Variants in NEDD4 observed in about 807,000 individuals in gnomAD.
NEDD4 encodes E3 ubiquitin-protein ligase NEDD4.
Under a neutral mutation model 144.9 loss-of-function variants are expected in NEDD4, and 99 were observed. That is an observed-to-expected ratio of 0.68 (90% CI 0.58 to 0.81). The LOEUF (loss-of-function observed/expected upper bound fraction) is 0.81. NEDD4 is among the 30% of genes least tolerant of loss of function. The pLI, the probability that NEDD4 is intolerant of heterozygous loss-of-function variation, is 0.00. For synonymous variants in NEDD4, 318 were observed against 350.6 expected, an observed-to-expected ratio of 0.91 and a Z score of 1.04; for missense variants, 985 against 1,065.9, an observed-to-expected ratio of 0.92 and a Z score of 1.06.
intron 5 of NEDD4, among the ~76,000 whole-genome samples, chr15:55,890,665 CAT>C (rs2035542432): frequency 6.6e-6 from 1 of 152,112 alleles, no homozygotes; most frequent in Non-Finnish European, 1.5e-5. Context: ...TTTGTACGAA[CAT>C]ATGTTTTCAT....
At chr15:55,958,740 C>G (rs2037379087) in intron 2 of NEDD4, among the ~76,000 whole-genome samples, 1 of 151,970 alleles carries the variant, frequency 6.6e-6, no homozygotes, top group Non-Finnish European at 1.5e-5. Context: ...GTGGCTAGTT[C>G]TGAAATCTGT....
At chr15:55,910,495 A>G (rs2036236445) in intron 5 of NEDD4, among the ~76,000 whole-genome samples, 1 of 151,170 alleles carries the variant, frequency 6.6e-6, no homozygotes, top group African/African-American at 2.4e-5. Context: ...TCTCTTCTTT[A>G]TCCCCTCTTC....
chr15:55,920,531 T>A (rs2036550431), intron 5 of NEDD4, among the ~76,000 whole-genome samples: 3 of 152,126 alleles, frequency 2.0e-5, no homozygotes, highest in Admixed American at 6.5e-5. Flanking sequence ...TTTATAACAC[T>A]CAAGTCTTAA....
At chr15:55,940,608 C>T (rs1167023270) in intron 4 of NEDD4, among the ~76,000 whole-genome samples, 1 of 150,472 alleles carries the variant, frequency 6.6e-6, no homozygotes, top group Non-Finnish European at 1.5e-5. Context: ...CCACGGTATC[C>T]TCGAATTCCT....
At chr15:55,968,353 A>G (rs1416677373) in intron 1 of NEDD4, among the ~76,000 whole-genome samples, 2 of 152,192 alleles carry the variant, frequency 1.3e-5, no homozygotes, top group Non-Finnish European at 2.9e-5. Context: ...AGATTTAAAA[A>G]ATACAATCTT....
intron 2 of NEDD4, among the ~76,000 whole-genome samples, chr15:55,957,906 G>A (rs2037364133): frequency 1.3e-5 from 2 of 152,106 alleles, no homozygotes; most frequent in South Asian, 4.2e-4. Context: ...CTCACTCATA[G>A]GTGGGAACTG....
Position 55,860,702 on chromosome 15 carries a change from A to G in NEDD4, c.751T>C (p.Ser251Pro), listed in dbSNP as rs766257808. The change falls in exon 10 of 29, where the codon TCC becomes CCC. Residue 251 changes from serine to proline, a missense_variant. Physicochemically the swap from Ser to Pro is moderately conservative, Grantham distance 74. Transcript: ENST00000435532. ...TTGTCAACACTTTCTGTTTCCTCGG[A>G]TATCTGCCGCCTGGTGGTAAATGCA... is the stretch of plus-strand genomic sequence containing the variant. ...QRAFTTRRQI[S>P]EETESVDNRE... 6.2e-7 allele frequency: 1 copy of G among 1,614,190 alleles called. No individual in the cohort carries two copies. The highest frequency in any genetic ancestry group is 8.5e-7 in the Non-Finnish European group (1 of 1,180,024).
intron 5 of NEDD4, among the ~76,000 whole-genome samples, chr15:55,879,722 G>T (rs2035116567): frequency 6.6e-6 from 1 of 152,058 alleles, no homozygotes; most frequent in Non-Finnish European, 1.5e-5. Flanking sequence ...CTGCAAAAAA[G>T]AAGCAATTAG....
Position 55,830,587 on chromosome 15 carries a change from C to G in NEDD4, c.2528-1G>C. 1 of 1,613,806 alleles carries G rather than the reference C, an allele frequency of 6.2e-7. No individual in the cohort carries two copies. Among genetic ancestry groups the G allele is most frequent in the Non-Finnish European group, 8.5e-7 (1 of 1,179,718 alleles). ...GTAAATGACTGTGGTCCATTTGAAC[C>G]TATAAGGAAGAATTTATTTGGTTTC... On this transcript the variant is annotated splice_acceptor_variant, in intron 27 of 28. Transcript: ENST00000435532. LOFTEE classifies it high-confidence loss of function.
At chr15:55,865,651 G>A (rs1447580224) in intron 8 of NEDD4, among the ~76,000 whole-genome samples, 1 of 152,090 alleles carries the variant, frequency 6.6e-6, no homozygotes, top group African/African-American at 2.4e-5. Context: ...TCTGTTCTAG[G>A]CCTGGAGATC....
At chr15:55,969,432 A>G (rs1313725406) in intron 1 of NEDD4, among the ~76,000 whole-genome samples, 7 of 152,186 alleles carry the variant, frequency 4.6e-5, no homozygotes, top group Admixed American at 2.0e-4. Flanking sequence ...TGGGATGCAC[A>G]TGAACCAGTG....
intron 1 of NEDD4, among the ~76,000 whole-genome samples, chr15:55,990,692 G>A (rs1468490279): frequency 6.6e-6 from 1 of 152,154 alleles, no homozygotes; most frequent in Non-Finnish European, 1.5e-5. Flanking sequence ...AATGGAGTGT[G>A]GGAAACAGTG....
intron 5 of NEDD4, among the ~76,000 whole-genome samples, chr15:55,897,272 C>A (rs1364887395): frequency 1.3e-5 from 2 of 152,112 alleles, no homozygotes; most frequent in South Asian, 2.1e-4. Context: ...TGCGCCCGGC[C>A]GATATGGCAT....
Position 55,979,604 on chromosome 15 carries a change from C to T in NEDD4, c.46-13058G>A, listed in dbSNP as rs554059631. Among the ~76,000 whole-genome samples the T allele has an allele frequency of 8.6e-5, 13 of 151,878 alleles. No homozygotes were observed. The East Asian group carries it at 2.1e-3, about 25-fold the overall frequency. On this transcript the variant is annotated intron_variant, in intron 1 of 28. Coordinates refer to ENST00000435532, the MANE Select transcript of NEDD4 (RefSeq NM_006154.4). ...TCCTGACCTCATGATCCACCCGCCTCGGCCTCCCAAAGTGCTGGGATTACA... is the reference window on the plus strand; with the variant it reads ...TCCTGACCTCATGATCCACCCGCCTTGGCCTCCCAAAGTGCTGGGATTACA...
At chr15:55,881,478 T>C (rs1292322107) in intron 5 of NEDD4, among the ~76,000 whole-genome samples, 1 of 152,130 alleles carries the variant, frequency 6.6e-6, no homozygotes, top group East Asian at 1.9e-4. Flanking sequence ...CACAAGTAGA[T>C]GTTATGCTTC....
In NEDD4 at chr15:55,964,919, G is replaced by A. The variant is rs1257139261; in HGVS notation, c.119+1554C>T. Among the ~76,000 whole-genome samples the A allele has an allele frequency of 3.3e-5, 5 of 151,690 alleles. No homozygotes were observed. In the East Asian group the frequency reaches 5.8e-4, roughly 18 times the overall value. On this transcript the variant is annotated intron_variant, in intron 2 of 28. Transcript: ENST00000435532. The stretch of plus-strand genomic sequence containing the variant: ...AGTTCTCATTCTATTTGTTCCTCTC[G>A]ATTTGTCAAAAAGAGGCTGGCACAC...
chr15:55,947,492 A>G (rs989219198), intron 4 of NEDD4, among the ~76,000 whole-genome samples: 1 of 152,210 alleles, frequency 6.6e-6, no homozygotes, highest in Admixed American at 6.5e-5. Flanking sequence ...GAATAGACCA[A>G]TAACAGGCTC....
chr15:55,948,233 C>T (rs1302991792), intron 4 of NEDD4, among the ~76,000 whole-genome samples: 1 of 152,252 alleles, frequency 6.6e-6, no homozygotes, highest in East Asian at 1.9e-4. Flanking sequence ...ACCTAGGAAT[C>T]CAACTTACAA....
intron 5 of NEDD4, among the ~76,000 whole-genome samples, chr15:55,900,323 T>A (rs111412940): frequency 6.6e-6 from 1 of 152,202 alleles, no homozygotes; most frequent in African/African-American, 2.4e-5. Flanking sequence ...GAGCACTTTA[T>A]AGCTGCTTGG....
Sources: gnomAD v4.1 joint callset for allele counts (sites outside exome capture counted in the v4.1 genomes callset) on GRCh38, gnomAD v4.1.1 for gene constraint, MANE v1.5 for transcripts, NCBI Gene and HGNC (gene_info 2026-07-23, HGNC 2026-07-21) for gene names.